Variants in ANGPT1 observed in about 807,000 individuals in gnomAD.
ANGPT1 encodes angiopoietin-1.
A neutral mutation model predicts 62.2 loss-of-function variants in ANGPT1; 17 were observed. The observed-to-expected ratio is 0.27, with a 90% CI of 0.19 to 0.41. The LOEUF (loss-of-function observed/expected upper bound fraction) is 0.41, where lower values mean the gene tolerates loss of function less well. ANGPT1 is among the 10% of genes least tolerant of loss of function. ANGPT1 has a pLI of 1.00. For missense variants in ANGPT1, 478 were observed against 594.9 expected (o/e 0.80, Z 2.04); for synonymous variants, 199 against 198.9 (o/e 1.00, Z 0.00).
At chr8:107,484,822 T>A (rs937644173) in intron 1 of ANGPT1, among the ~76,000 whole-genome samples, 1 of 152,246 alleles carries the variant, frequency 6.6e-6, no homozygotes, top group Admixed American at 6.5e-5. Context: ...AATGTGATTA[T>A]GTTATATCAG....
intron 1 of ANGPT1, among the ~76,000 whole-genome samples, chr8:107,468,702 T>C (rs907607609): frequency 6.6e-6 from 1 of 152,068 alleles, no homozygotes; most frequent in African/African-American, 2.4e-5. Context: ...AAGATCCCTC[T>C]TGAACATGCA....
At chr8:107,405,384 T>C (rs1478783405) in intron 1 of ANGPT1, among the ~76,000 whole-genome samples, 1 of 151,952 alleles carries the variant, frequency 6.6e-6, no homozygotes, top group Non-Finnish European at 1.5e-5. Context: ...ATCCCTAACC[T>C]AAAAATCCCA....
At chr8:107,269,178 T>C (rs1303099477) in intron 7 of ANGPT1, among the ~76,000 whole-genome samples, 1 of 152,116 alleles carries the variant, frequency 6.6e-6, no homozygotes, top group African/African-American at 2.4e-5. Flanking sequence ...CAGGGGCTCA[T>C]TCTTTCTTAG....
chr8:107,265,664 T>C (rs960131262), intron 7 of ANGPT1, among the ~76,000 whole-genome samples: 2 of 152,162 alleles, frequency 1.3e-5, no homozygotes, highest in Non-Finnish European at 1.5e-5. Context: ...GGTCACCACC[T>C]GTATGCCTGG....
chr8:107,471,690 T>G (rs1375231102), intron 1 of ANGPT1, among the ~76,000 whole-genome samples: 1 of 152,106 alleles, frequency 6.6e-6, no homozygotes, highest in African/African-American at 2.4e-5. Flanking sequence ...GCAGGCCTTT[T>G]ACTTTTCAAG....
intron 1 of ANGPT1, among the ~76,000 whole-genome samples, chr8:107,479,664 G>T (rs749315980): frequency 6.6e-6 from 1 of 152,154 alleles, no homozygotes; most frequent in Non-Finnish European, 1.5e-5. Context: ...AAGTAGCATA[G>T]AGTTATAAAA....
chr8:107,382,546 A>T, intron 1 of ANGPT1, among the ~76,000 whole-genome samples: 1 of 151,742 alleles, frequency 6.6e-6, no homozygotes, highest in East Asian at 1.9e-4. Context: ...AGAAAAAAAA[A>T]GTCCCTATTT....
At chr8:107,336,459 AT>A (rs1405867219) in intron 2 of ANGPT1, 188 bp from the exon 3 acceptor site, 1 of 801,210 alleles carries the variant, frequency 1.2e-6, no homozygotes, top group Admixed American at 5.0e-5. Flanking sequence ...AGGTCAAGAG[AT>A]CGAGACCATC....
intron 1 of ANGPT1, among the ~76,000 whole-genome samples, chr8:107,391,581 C>T (rs1271548896): frequency 5.3e-5 from 8 of 152,026 alleles, no homozygotes; most frequent in African/African-American, 9.7e-5. Context: ...GCAGGAGAAT[C>T]GCTTGAACCC....
rs116973615 is a variant in ANGPT1, at chr8:107,430,828, C to A, written c.297+66434G>T. The stretch of plus-strand genomic sequence containing the variant: ...ACACCTTGGTTGACTACATTTGAGA[C>A]AATGTGTTACAGCAGCAATATGAAA... On this transcript the variant is annotated intron_variant, in intron 1 of 8. Transcript: ENST00000517746. Among the ~76,000 whole-genome samples, 801 of 152,298 alleles carry A rather than the reference C, an allele frequency of 5.3e-3. 3 individuals carry two copies. Among genetic ancestry groups the A allele is most frequent in the South Asian group, 0.022 (104 of 4,830 alleles).
rs1221096835 is a variant in ANGPT1 at position 107,251,033 on chromosome 8, CTATAAA to C, written c.*816_*821del. 2 of 152,136 alleles carry C rather than the reference CTATAAA, an allele frequency of 1.3e-5. No individual in the cohort carries two copies. Among genetic ancestry groups the C allele is most frequent in the African/African-American group, 4.8e-5 (2 of 41,518 alleles). The allele number at this position is 152,136 out of a possible 1,614,324, so 9.4% of individuals were successfully genotyped here. A position where few individuals can be genotyped will look rare whatever the true frequency, so the allele number is the denominator to read the frequency against. On this transcript the variant is annotated 3_prime_UTR_variant, in exon 9 of 9. Coordinates refer to ENST00000517746, the MANE Select transcript of ANGPT1 (RefSeq NM_001146.5). ...TTACATTCTTTTAACTTTACTCAGGCTATAAATATATTTATATATCATTCAATCAGT... is the reference window on the plus strand; with the variant it reads ...TTACATTCTTTTAACTTTACTCAGGCTATATTTATATATCATTCAATCAGT...
intron 1 of ANGPT1, among the ~76,000 whole-genome samples, chr8:107,445,970 T>G (rs1223071953): frequency 6.6e-6 from 1 of 152,162 alleles, no homozygotes; most frequent in African/African-American, 2.4e-5. Context: ...CAGGCTGGAG[T>G]GCAGTGGCGC....
intron 1 of ANGPT1, among the ~76,000 whole-genome samples, chr8:107,370,255 G>A (rs545822166): frequency 3.6e-5 from 5 of 139,040 alleles, no homozygotes; most frequent in South Asian, 2.3e-4. Context: ...GAGAGAGAGA[G>A]AAAAAGAAAG....
chr8:107,481,532 CA>C (rs71562147), intron 1 of ANGPT1, among the ~76,000 whole-genome samples: 8,799 of 63,204 alleles, frequency 0.14, 94 homozygotes, highest in African/African-American at 0.2. Context: ...GACTCTGTCT[CA>C]AAAAAAAAAA....
intron 1 of ANGPT1, among the ~76,000 whole-genome samples, chr8:107,459,688 G>A (rs992124661): frequency 3.9e-5 from 6 of 152,072 alleles, no homozygotes; most frequent in Non-Finnish European, 7.4e-5. Context: ...AGACTTCTTC[G>A]GTACATGGTC....
intron 6 of ANGPT1, among the ~76,000 whole-genome samples, chr8:107,287,858 G>C (rs1459522185): frequency 6.6e-6 from 1 of 152,118 alleles, no homozygotes; most frequent in Non-Finnish European, 1.5e-5. Flanking sequence ...CATATACAAG[G>C]TTTTGAGAAT....
intron 1 of ANGPT1, among the ~76,000 whole-genome samples, chr8:107,432,868 C>T (rs1251381326): frequency 6.6e-6 from 1 of 152,142 alleles, no homozygotes; most frequent in Non-Finnish European, 1.5e-5. Context: ...GTCTCACTAT[C>T]TGAGTTCTTT....
chr8:107,360,904 A>G (rs1816148197), intron 1 of ANGPT1, among the ~76,000 whole-genome samples: 1 of 152,228 alleles, frequency 6.6e-6, no homozygotes, highest in Non-Finnish European at 1.5e-5. Flanking sequence ...AGCATAAATA[A>G]GAAACATAAT....
intron 1 of ANGPT1, among the ~76,000 whole-genome samples, chr8:107,432,400 C>T (rs1247777897): frequency 6.6e-6 from 1 of 152,122 alleles, no homozygotes; most frequent in Non-Finnish European, 1.5e-5. Flanking sequence ...CACGGTGGCT[C>T]ACGCCTGTAA....
Sources: gnomAD v4.1 joint callset for allele counts (sites outside exome capture counted in the v4.1 genomes callset) on GRCh38, gnomAD v4.1.1 for gene constraint, MANE v1.5 for transcripts, NCBI Gene and HGNC (gene_info 2026-07-23, HGNC 2026-07-21) for gene names.